Variants in FBXW7 observed in about 807,000 individuals in gnomAD.
FBXW7 encodes the protein F-box and WD repeat domain containing 7.
Under a neutral mutation model 86.3 loss-of-function variants are expected in FBXW7, and 11 were observed. That is an observed-to-expected ratio of 0.13 (90% confidence interval 0.08 to 0.21). FBXW7 has a LOEUF of 0.21. Ranked by LOEUF, FBXW7 falls within the 10% of genes least tolerant of loss-of-function variation. The probability of loss-of-function intolerance (pLI) is 1.00; values close to 1 mark genes in which losing one functional copy is unlikely to be tolerated. For missense variants in FBXW7, 488 were observed against 847.4 expected, an observed-to-expected ratio of 0.58 and a Z score of 5.27; for synonymous variants, 313 against 297.9, an observed-to-expected ratio of 1.05 and a Z score of -0.52.
chr4:152,479,186 GA>G (rs1744665447), intron 2 of FBXW7, among the ~76,000 whole-genome samples: 1 of 152,014 alleles, frequency 6.6e-6, no homozygotes, highest in Non-Finnish European at 1.5e-5. Flanking sequence ...CCTCCTAAGA[GA>G]TGCAAATGAC....
chr4:152,474,742 T>G (rs868347984), intron 2 of FBXW7, among the ~76,000 whole-genome samples: 3 of 152,178 alleles, frequency 2.0e-5, no homozygotes, highest in Non-Finnish European at 4.4e-5. Context: ...CTTGGCTCAC[T>G]GCAACCTCCA....
intron 4 of FBXW7, chr4:152,352,972 G>C: frequency 1.5e-6 from 2 of 1,340,854 alleles, no homozygotes; most frequent in African/African-American, 1.5e-5. Flanking sequence ...ACAACGCACT[G>C]AACAGAGGGA....
intron 2 of FBXW7, among the ~76,000 whole-genome samples, chr4:152,508,744 ATTTTT>A (rs1194752042): frequency 2.6e-5 from 4 of 151,658 alleles, no homozygotes; most frequent in African/African-American, 7.3e-5. Context: ...CAAAGTACTT[ATTTTT>A]AAGTACCTTC....
At chr4:152,405,818 CAGAAG>C (rs1382618239) in intron 4 of FBXW7, among the ~76,000 whole-genome samples, 3 of 151,790 alleles carry the variant, frequency 2.0e-5, no homozygotes, top group Non-Finnish European at 4.4e-5. Context: ...ATCCACTGAC[CAGAAG>C]ATGGGACCTA....
At chr4:152,405,082 C>T (rs1404578227) in intron 4 of FBXW7, among the ~76,000 whole-genome samples, 1 of 79,752 alleles carries the variant, frequency 1.3e-5, no homozygotes, top group Non-Finnish European at 2.3e-5. Context: ...GGCAACAAAG[C>T]AAGACCTTGT....
chr4:152,503,712 T>A (rs987511494), intron 2 of FBXW7, among the ~76,000 whole-genome samples: 1 of 152,116 alleles, frequency 6.6e-6, no homozygotes, highest in African/African-American at 2.4e-5. Context: ...TCAAAGAATT[T>A]CAGCTAGGTA....
intron 2 of FBXW7, among the ~76,000 whole-genome samples, chr4:152,413,957 T>C (rs1738213410): frequency 6.6e-6 from 1 of 152,130 alleles, no homozygotes; most frequent in Admixed American, 6.6e-5. Context: ...TTGATTCCCA[T>C]TCACAGTAAT....
chr4:152,431,391 A>G (rs934643519), intron 2 of FBXW7, among the ~76,000 whole-genome samples: 3 of 152,206 alleles, frequency 2.0e-5, no homozygotes, highest in African/African-American at 7.2e-5. Context: ...AACAGGAAAA[A>G]AAAGCTGATT....
intron 4 of FBXW7, among the ~76,000 whole-genome samples, chr4:152,354,493 G>A (rs1432000552): frequency 6.6e-6 from 1 of 152,024 alleles, no homozygotes; most frequent in East Asian, 1.9e-4. Context: ...ATTTGTCAGT[G>A]GTAACAAGTT....
intron 4 of FBXW7, among the ~76,000 whole-genome samples, chr4:152,361,965 C>CAAAAAAAAAAAAAAAAAAAAAA (rs569330155): frequency 2.7e-5 from 1 of 37,106 alleles, no homozygotes; most frequent in Non-Finnish European, 5.8e-5. Flanking sequence ...GACTCCATCT[C>CAAAAAAAAAAAAAAAAAAAAAA]AAAAAAAAAA....
intron 4 of FBXW7, among the ~76,000 whole-genome samples, chr4:152,391,821 T>C (rs1451366465): frequency 6.6e-6 from 1 of 152,154 alleles, no homozygotes; most frequent in African/African-American, 2.4e-5. Context: ...ATTTTAACCC[T>C]GGTATGTCTA....
intron 2 of FBXW7, among the ~76,000 whole-genome samples, chr4:152,430,333 T>C (rs138898145): frequency 2.0e-5 from 3 of 152,346 alleles, no homozygotes; most frequent in Non-Finnish European, 2.9e-5. Context: ...TTTGAGAATG[T>C]CAGCTACTGC....
At chr4:152,339,922 C>CA (rs1227838925) in intron 6 of FBXW7, among the ~76,000 whole-genome samples, 15,920 of 65,680 alleles carry the variant, frequency 0.24, 1,714 homozygotes, top group African/African-American at 0.34. Flanking sequence ...GGCTTTGTCT[C>CA]AAAAAAAAAA....
chr4:152,501,704 G>C (rs532452828), intron 2 of FBXW7, among the ~76,000 whole-genome samples: 1 of 152,090 alleles, frequency 6.6e-6, no homozygotes, highest in Non-Finnish European at 1.5e-5. Flanking sequence ...ATGAGATCTC[G>C]ATAGGTCTCT....
At chr4:152,408,672 G>A (rs775339510) in intron 4 of FBXW7, among the ~76,000 whole-genome samples, 2 of 152,118 alleles carry the variant, frequency 1.3e-5, no homozygotes, top group Non-Finnish European at 2.9e-5. Flanking sequence ...ATCATCACAT[G>A]GCAGAGTCTC....
chr4:152,332,567 C>G (rs1316265794), intron 8 of FBXW7, 29 bp downstream of exon 8: 2 of 1,529,970 alleles, frequency 1.3e-6, no homozygotes, highest in East Asian at 4.8e-5. Context: ...AAAGTATAAA[C>G]ATATTCTCTA....
intron 4 of FBXW7, among the ~76,000 whole-genome samples, chr4:152,409,666 C>G (rs1353981377): frequency 6.6e-6 from 1 of 152,086 alleles, no homozygotes; most frequent in Non-Finnish European, 1.5e-5. Context: ...GGCAGATCAT[C>G]TCATGATCAA....
chr4:152,408,946 C>A (rs1223262888), intron 4 of FBXW7, among the ~76,000 whole-genome samples: 1 of 152,132 alleles, frequency 6.6e-6, no homozygotes, highest in Non-Finnish European at 1.5e-5. Context: ...ATTAAGACAA[C>A]ATGGAATTTT....
chr4:152,393,358 T>C (rs536551777), intron 4 of FBXW7, among the ~76,000 whole-genome samples: 3 of 152,252 alleles, frequency 2.0e-5, no homozygotes, highest in Admixed American at 2.0e-4. Context: ...CACAAAAATA[T>C]AATTAAAATA....
Sources: allele counts gnomAD v4.1 joint callset (sites outside exome capture counted in the v4.1 genomes callset), GRCh38; gene constraint gnomAD v4.1.1; transcripts MANE v1.5; gene names NCBI Gene and HGNC (gene_info 2026-07-23, HGNC 2026-07-21).